OTOGL: variants seen among roughly 807,000 people sequenced by gnomAD.
OTOGL encodes otogelin like, also known as otogelin-like protein.
A neutral mutation model predicts 318.5 loss-of-function variants in OTOGL; 285 were observed. That is an observed-to-expected ratio of 0.89 (90% CI 0.81 to 0.99). OTOGL has a LOEUF of 0.99. Among genes scored for constraint, OTOGL ranks in the 50% least tolerant of loss-of-function variants. The pLI, the probability that OTOGL is intolerant of heterozygous loss-of-function variation, is 0.00. For synonymous variants in OTOGL, 987 were observed against 936.5 expected, an observed-to-expected ratio of 1.05 and a Z score of -0.99; for missense variants, 2,899 against 2,845.6, an observed-to-expected ratio of 1.02 and a Z score of -0.43.
chr12:80,150,765 A>G (rs1422474556), intron 1 of OTOGL, among the ~76,000 whole-genome samples: 1 of 152,190 alleles, frequency 6.6e-6, no homozygotes, highest in African/African-American at 2.4e-5. Context: ...TATATAATTG[A>G]TGGTAGTGTG....
intron 52 of OTOGL, among the ~76,000 whole-genome samples, chr12:80,360,221 G>T (rs1890150097): frequency 6.6e-6 from 1 of 152,080 alleles, no homozygotes; most frequent in South Asian, 2.1e-4. Flanking sequence ...TTAGTTATAA[G>T]TATTAGTTTT....
chr12:80,186,270 T>A (rs536248027), intron 1 of OTOGL, among the ~76,000 whole-genome samples: 1 of 152,336 alleles, frequency 6.6e-6, no homozygotes, highest in East Asian at 1.9e-4. Context: ...AACTCTGGGT[T>A]TATCTTGGTC....
chr12:80,355,793 T>C lies in OTOGL; in HGVS notation c.5651T>C (p.Ile1884Thr). Reference sequence around the variant, plus strand: ...GCTGGGGAGATTTGGAATGGGGGCATTGATGAATGCACTCTATACAAATGT... The same window carrying C: ...GCTGGGGAGATTTGGAATGGGGGCACTGATGAATGCACTCTATACAAATGT... ...RTAGEIWNGG[I>T]DECTLYKCLE... is the part of the protein sequence containing the mutation. Residue 1884 changes from isoleucine (I) to threonine (T), a missense_variant, in exon 47 of 59, where the codon ATT (isoleucine) becomes ACT (threonine). Physicochemically the swap from Ile to Thr is moderately conservative, Grantham distance 89. Transcript: ENST00000547103. 1 of 1,613,870 alleles carries C rather than the reference T, an allele frequency of 6.2e-7. No homozygotes were observed. Among genetic ancestry groups the C allele is most frequent in the Non-Finnish European group, 8.5e-7 (1 of 1,179,816 alleles).
chr12:80,326,175 A>C (rs550975290), intron 35 of OTOGL, among the ~76,000 whole-genome samples: 46 of 152,200 alleles, frequency 3.0e-4, no homozygotes, highest in African/African-American at 1.1e-3. Context: ...CCCTCCTCCA[A>C]GTCCGCGACA....
chr12:80,150,886 A>G (rs1872744233), intron 1 of OTOGL, among the ~76,000 whole-genome samples: 1 of 152,250 alleles, frequency 6.6e-6, no homozygotes, highest in Non-Finnish European at 1.5e-5. Context: ...CAATTTCTGA[A>G]AAATTATGCT....
Position 80,230,423 on chromosome 12 carries a change from G to A in OTOGL, c.611+1045G>A, listed in dbSNP as rs1369418983. On this transcript the variant is annotated intron_variant, in intron 8 of 58. Coordinates refer to ENST00000547103, the MANE Select transcript of OTOGL (RefSeq NM_001378609.3). The stretch of plus-strand genomic sequence containing the variant: ...GAGTAAGAAGATAATGCAGTTACAC[G>A]TGTATTTCCTAGAGCTGAATTTAGA... 3.9e-5 allele frequency among the ~76,000 whole-genome samples: 6 copies of A among 152,230 alleles called. No homozygotes were observed. In the East Asian group the frequency reaches 9.7e-4, roughly 24 times the overall value.
chr12:80,171,317 C>A (rs1874192579), intron 1 of OTOGL, among the ~76,000 whole-genome samples: 1 of 151,968 alleles, frequency 6.6e-6, no homozygotes, highest in African/African-American at 2.4e-5. Context: ...TGGCCTCAAG[C>A]AATCCTCCCA....
At chr12:80,366,774 G>A in intron 53 of OTOGL, 137 bp downstream of exon 53, 1 of 265,452 alleles carries the variant, frequency 3.8e-6, no homozygotes, top group East Asian at 6.6e-5. Flanking sequence ...GTATAAAAAT[G>A]TGTTATTATG....
chr12:80,165,750 G>T (rs1215264242), intron 1 of OTOGL, among the ~76,000 whole-genome samples: 1 of 152,220 alleles, frequency 6.6e-6, no homozygotes, highest in East Asian at 1.9e-4. Context: ...GCTGCCCTGA[G>T]TTCTGGTAAC....
At chr12:80,256,638 T>C (rs1882079027) in intron 17 of OTOGL, among the ~76,000 whole-genome samples, 178 bp downstream of exon 17, 1 of 152,130 alleles carries the variant, frequency 6.6e-6, no homozygotes, top group South Asian at 2.1e-4. Flanking sequence ...ATTATGTTTA[T>C]GGGACCTAGT....
In OTOGL at chr12:80,367,706, T is replaced by A; in HGVS notation, c.6477T>A (p.Phe2159Leu). The A allele has an allele frequency of 6.9e-7, 1 of 1,459,592 alleles. No homozygotes were observed. The highest frequency in any genetic ancestry group is 9.1e-7 in the Non-Finnish European group (1 of 1,102,072). The allele number at this position is 1,459,592 out of a possible 1,614,324, so 90.4% of individuals were successfully genotyped here. The change falls in exon 54 of 59, where the codon TTT becomes TTA. Residue 2159 changes from phenylalanine (F) to leucine (L), a missense_variant. This residue lies in a region of OTOGL where 289 missense variants were observed against 304.6 expected (regional missense o/e 0.95). Transcript: ENST00000547103. ...ATACGGGCTTTCACACTCTGAATTT[T>A]ACACTGGTGAATTGTTCAAAAAAAT... ...DNHTGFHTLN[F>L]TLVNCSKKCD...
chr12:80,278,104 A>T, intron 24 of OTOGL, 64 bp from the exon 25 acceptor site: 2 of 1,233,334 alleles, frequency 1.6e-6, no homozygotes, highest in South Asian at 1.3e-5. Flanking sequence ...TGCTAAGATT[A>T]CTGATATTTT....
chr12:80,372,037 C>A lies in OTOGL; in HGVS notation c.6754C>A (p.Leu2252Ile). The change falls in exon 57 of 59, where the codon CTT (leucine) becomes ATT (isoleucine). Residue 2252 changes from leucine to isoleucine, a missense_variant. By Grantham distance (5) the Leu-to-Ile change is conservative. Transcript: ENST00000547103. ...ECKMNEGIVK[L>I]YNEGCCKICK... ...TTTCTAGAATGAAGGGATTGTGAAG[C>A]TTTATAATGAAGGCTGTTGCAAGAT... The A allele has an allele frequency of 6.4e-7, 1 of 1,555,706 alleles. No homozygotes were observed. The highest frequency in any genetic ancestry group is 8.7e-7 in the Non-Finnish European group (1 of 1,149,072).
At chr12:80,163,764 T>C (rs932262923) in intron 1 of OTOGL, among the ~76,000 whole-genome samples, 1 of 152,136 alleles carries the variant, frequency 6.6e-6, no homozygotes, top group Non-Finnish European at 1.5e-5. Context: ...GGTATGTTTT[T>C]ATGGCAATGA....
At chr12:80,146,538 G>T (rs1284363757) in intron 1 of OTOGL, among the ~76,000 whole-genome samples, 71 of 150,718 alleles carry the variant, frequency 4.7e-4, no homozygotes, top group Non-Finnish European at 9.9e-4. Context: ...TTGTGTCTCT[G>T]CCAGGCTTTG....
At chr12:80,207,106 G>C (rs1876866079) in intron 1 of OTOGL, among the ~76,000 whole-genome samples, 1 of 152,134 alleles carries the variant, frequency 6.6e-6, no homozygotes, top group South Asian at 2.1e-4. Flanking sequence ...AGTTCTAGTA[G>C]TGTTAGAAAT....
At chr12:80,353,875 G>C (rs35598281) in intron 46 of OTOGL, among the ~76,000 whole-genome samples, 4,296 of 152,236 alleles carry the variant, frequency 0.028, 211 homozygotes, top group African/African-American at 0.096. Context: ...GAAAATAATA[G>C]TACTTATAAG....
intron 42 of OTOGL, 142 bp downstream of exon 42, chr12:80,337,146 A>G (rs2137917747): frequency 1.5e-6 from 1 of 677,786 alleles, no homozygotes; most frequent in South Asian, 2.2e-5. Flanking sequence ...ACAATATAAA[A>G]TGTGTTTCTT....
rs1352210976 is a variant in OTOGL, at chr12:80,232,931, G to A, written c.651G>A (p.Glu217=). 2.5e-6 allele frequency: 4 copies of A among 1,599,198 alleles called. No individual in the cohort carries two copies. The highest frequency in any genetic ancestry group is 3.4e-6 in the Non-Finnish European group (4 of 1,179,580). ...AGACAATTGGACAGATTTTCATTGA[G>A]AAACTAGCTGACTACATTCTTGTGA... is the stretch of plus-strand genomic sequence containing the variant. The part of the protein sequence containing the change: ...LPQTIGQIFI[E]KLADYILVKT... Residue 217 remains glutamate (E), a synonymous_variant, in exon 9 of 59, where the codon GAG becomes GAA. Coordinates refer to ENST00000547103, the MANE Select transcript of OTOGL (RefSeq NM_001378609.3).
Sources: gnomAD v4.1 joint callset for allele counts (sites outside exome capture counted in the v4.1 genomes callset) on GRCh38, gnomAD v4.1.1 for gene constraint, gnomAD v4.1.1 regional missense constraint, MANE v1.5 for transcripts, NCBI Gene and HGNC (gene_info 2026-07-23, HGNC 2026-07-21) for gene names.